GTF2IRD1: variants seen among roughly 807,000 people sequenced by gnomAD.
GTF2IRD1 encodes general transcription factor II-I repeat domain-containing protein 1.
GTF2IRD1 carries 26 observed loss-of-function variants against 113.2 expected under a neutral mutation model. That is an observed-to-expected ratio of 0.23 (90% CI 0.17 to 0.32). GTF2IRD1 has a LOEUF of 0.32. GTF2IRD1 is among the 10% of genes least tolerant of loss of function. GTF2IRD1 has a pLI of 1.00. For missense variants in GTF2IRD1, 864 were observed against 1,280.8 expected, an observed-to-expected ratio of 0.67 and a Z score of 4.97; for synonymous variants, 484 against 529.1, an observed-to-expected ratio of 0.91 and a Z score of 1.17.
intron 1 of GTF2IRD1, among the ~76,000 whole-genome samples, chr7:74,483,723 T>A (rs961157108): frequency 4.0e-5 from 6 of 151,172 alleles, no homozygotes; most frequent in South Asian, 2.1e-4. Context: ...AAAACATTTT[T>A]AAAAAAATTA....
At chr7:74,518,366 G>T in intron 5 of GTF2IRD1, 44 bp downstream of exon 5, 2 of 1,495,096 alleles carry the variant, frequency 1.3e-6, no homozygotes, top group Admixed American at 4.0e-5. Context: ...GGCTGGGCCA[G>T]GGCCGGGTCA....
chr7:74,489,887 C>T (rs1795235356), intron 1 of GTF2IRD1, among the ~76,000 whole-genome samples: 1 of 152,210 alleles, frequency 6.6e-6, no homozygotes, highest in African/African-American at 2.4e-5. Flanking sequence ...CAGGACACAA[C>T]GGGGGGATTC....
intron 1 of GTF2IRD1, among the ~76,000 whole-genome samples, chr7:74,465,578 G>C (rs965052205): frequency 3.3e-5 from 5 of 152,142 alleles, no homozygotes; most frequent in Admixed American, 6.6e-5. Flanking sequence ...CGGGGAGCTA[G>C]CTGCCATCTC....
intron 14 of GTF2IRD1, among the ~76,000 whole-genome samples, chr7:74,540,215 C>T (rs187055712): frequency 6.6e-6 from 1 of 152,256 alleles, no homozygotes; most frequent in Non-Finnish European, 1.5e-5. Context: ...GGCACGATCT[C>T]GGCTCACCGC....
At chr7:74,484,621 G>A (rs11772352) in intron 1 of GTF2IRD1, among the ~76,000 whole-genome samples, 2,077 of 152,002 alleles carry the variant, frequency 0.014, 20 homozygotes, top group Non-Finnish European at 0.023. Flanking sequence ...ACCACAGCCA[G>A]CTAATTTTTG....
intron 1 of GTF2IRD1, among the ~76,000 whole-genome samples, chr7:74,469,901 ATATG>A (rs1463431772): frequency 6.6e-6 from 1 of 151,776 alleles, no homozygotes; most frequent in Non-Finnish European, 1.5e-5. Flanking sequence ...TAGAGACGGC[ATATG>A]TATTAGCAAG....
At chr7:74,565,267 G>A (rs782448769) in intron 22 of GTF2IRD1, among the ~76,000 whole-genome samples, 4 of 152,044 alleles carry the variant, frequency 2.6e-5, no homozygotes, top group Non-Finnish European at 5.9e-5. Context: ...GCTCATGCCT[G>A]TAATCCCAGC....
intron 2 of GTF2IRD1, among the ~76,000 whole-genome samples, chr7:74,510,358 G>C (rs1045177274): frequency 1.3e-5 from 2 of 150,910 alleles, no homozygotes; most frequent in African/African-American, 4.9e-5. Context: ...CCAGGCTGGA[G>C]TGCAATGGCG....
At position 74,515,421 on chromosome 7, in the gene GTF2IRD1, G is replaced by C. The variant is rs138159923; in HGVS notation, c.266-20G>C. 46 of 1,563,168 alleles carry C rather than the reference G, an allele frequency of 2.9e-5. No individual in the cohort carries two copies. In the African/African-American group the frequency reaches 6.0e-4, roughly 20 times the overall value. On this transcript the variant is annotated intron_variant, in intron 3 of 26. Transcript: ENST00000424337. The stretch of plus-strand genomic sequence containing the variant: ...TGAGACGGGTGCTCACTGTGGCCTC[G>C]CGTGCTCTGTGTCCCACAGGAGGGC...
intron 1 of GTF2IRD1, among the ~76,000 whole-genome samples, chr7:74,457,674 G>A (rs1452597187): frequency 3.3e-5 from 5 of 151,980 alleles, no homozygotes; most frequent in Admixed American, 6.6e-5. Context: ...GACTCTCGCC[G>A]TTTGTAAGTA....
intron 17 of GTF2IRD1, among the ~76,000 whole-genome samples, chr7:74,549,687 C>T (rs1354795582): frequency 3.9e-5 from 6 of 152,042 alleles, no homozygotes; most frequent in Non-Finnish European, 5.9e-5. Flanking sequence ...CCTGTAATCC[C>T]AGCACTTTGG....
At chr7:74,549,335 T>A (rs1767190871) in intron 17 of GTF2IRD1, among the ~76,000 whole-genome samples, 1 of 149,828 alleles carries the variant, frequency 6.7e-6, no homozygotes, top group Non-Finnish European at 1.5e-5. Context: ...TTGGTTTGGT[T>A]GAAAGTGGCA....
chr7:74,567,838 T>A (rs1583908837), intron 22 of GTF2IRD1, among the ~76,000 whole-genome samples: 1 of 151,908 alleles, frequency 6.6e-6, no homozygotes, highest in African/African-American at 2.4e-5. Context: ...CAGGCTGGAG[T>A]GCAGTGGCGT....
intron 8 of GTF2IRD1, among the ~76,000 whole-genome samples, chr7:74,526,014 C>G (rs1209447421): frequency 6.6e-6 from 1 of 152,140 alleles, no homozygotes; most frequent in Non-Finnish European, 1.5e-5. Flanking sequence ...GCCACCCTGG[C>G]CCAGCCACGC....
intron 24 of GTF2IRD1, among the ~76,000 whole-genome samples, chr7:74,593,267 AG>A (rs1276773180): frequency 6.6e-6 from 1 of 151,934 alleles, no homozygotes; most frequent in African/African-American, 2.4e-5. Context: ...CACCCCCTGA[AG>A]TAACAACTAG....
chr7:74,571,535 C>T (rs1800695055), intron 22 of GTF2IRD1, among the ~76,000 whole-genome samples: 2 of 152,210 alleles, frequency 1.3e-5, no homozygotes, highest in African/African-American at 2.4e-5. Context: ...GTAAACGTTC[C>T]ACTTTCATCT....
intron 25 of GTF2IRD1, among the ~76,000 whole-genome samples, chr7:74,595,411 AAAG>A (rs1448648648): frequency 2.7e-4 from 41 of 151,290 alleles, no homozygotes; most frequent in African/African-American, 9.5e-4. Context: ...ATCTCGAAAA[AAAG>A]AAAAAAAGAA....
intron 24 of GTF2IRD1, among the ~76,000 whole-genome samples, chr7:74,593,732 C>CA (rs1554370932): frequency 0.012 from 980 of 81,538 alleles, 8 homozygotes; most frequent in African/African-American, 0.031. Context: ...GACTCCATCT[C>CA]AAAAAAAAAA....
intron 13 of GTF2IRD1, among the ~76,000 whole-genome samples, chr7:74,539,181 C>T (rs1798483357): frequency 6.6e-6 from 1 of 152,184 alleles, no homozygotes. Context: ...CACAGTGGCT[C>T]ATGCTTGTAA....
Sources: gnomAD v4.1 joint callset for allele counts (sites outside exome capture counted in the v4.1 genomes callset) on GRCh38, gnomAD v4.1.1 for gene constraint, MANE v1.5 for transcripts, NCBI Gene and HGNC (gene_info 2026-07-23, HGNC 2026-07-21) for gene names.